Variants in AZIN1 observed in about 807,000 individuals in gnomAD.
AZIN1 encodes the protein ornithine decarboxylase antizyme inhibitor.
In AZIN1, 12 loss-of-function variants were observed where a neutral mutation model predicts 47.4. That is an observed-to-expected ratio of 0.25 (90% CI 0.16 to 0.41). The LOEUF (loss-of-function observed/expected upper bound fraction) is 0.41. Among genes scored for constraint, AZIN1 ranks in the 10% least tolerant of loss-of-function variants. AZIN1 has a pLI of 1.00. For missense variants in AZIN1, 410 were observed against 532.4 expected, an observed-to-expected ratio of 0.77 and a Z score of 2.26; for synonymous variants, 155 against 176.3, an observed-to-expected ratio of 0.88 and a Z score of 0.96.
intron 9 of AZIN1, among the ~76,000 whole-genome samples, chr8:102,830,698 C>T (rs1320409340): frequency 1.3e-5 from 2 of 151,668 alleles, no homozygotes; most frequent in Non-Finnish European, 1.5e-5. Flanking sequence ...TGCTCTACAT[C>T]GTTAGTCATC....
At chr8:102,832,200 A>C (rs1811505577) in intron 9 of AZIN1, among the ~76,000 whole-genome samples, 1 of 152,194 alleles carries the variant, frequency 6.6e-6, no homozygotes, top group Non-Finnish European at 1.5e-5. Flanking sequence ...TCAAGGAGAA[A>C]TGACGAATTC....
intron 3 of AZIN1, among the ~76,000 whole-genome samples, chr8:102,842,579 C>T (rs746550533): frequency 5.3e-5 from 8 of 151,684 alleles, no homozygotes; most frequent in Non-Finnish European, 1.2e-4. Flanking sequence ...TGGTGGCGGG[C>T]GCCTGTAATC....
rs1812199722 is a variant in AZIN1, at chr8:102,841,801, T to TTA, written c.102+1749_102+1750insTA. On this transcript the variant is annotated intron_variant, in intron 3 of 11. Transcript: ENST00000337198. The stretch of plus-strand genomic sequence containing the variant: ...GTATCAGTTAAGTCTAATATATATA[T>TTA]ATATAAAAAAAAAAAAAAAAAAGAC... Among the ~76,000 whole-genome samples, 71 of 115,020 alleles carry TTA rather than the reference T, an allele frequency of 6.2e-4. 3 individuals carry two copies. The South Asian group carries it at 0.016, about 26-fold the overall frequency. The allele number at this position is 115,020 out of a possible 152,430, so 75.5% of individuals were successfully genotyped here.
chr8:102,850,202 G>C (rs1812834235), intron 2 of AZIN1: 1 of 152,162 alleles, frequency 6.6e-6, no homozygotes, highest in Non-Finnish European at 1.5e-5. Flanking sequence ...AGATACCTAA[G>C]CAGGAAACCC....
At chr8:102,856,094 T>G (rs1813271166) in intron 2 of AZIN1, 1 of 102,142 alleles carries the variant, frequency 9.8e-6, no homozygotes, top group South Asian at 2.5e-4. Flanking sequence ...GTTTTTTTTG[T>G]TTTTTTTTTT....
chr8:102,847,181 G>A (rs910353033), intron 2 of AZIN1, among the ~76,000 whole-genome samples: 16 of 151,984 alleles, frequency 1.1e-4, no homozygotes, highest in Non-Finnish European at 2.2e-4. Context: ...AATGGATTAA[G>A]GATCACCTGA....
rs1811710292 is a variant in AZIN1, at chr8:102,834,761, A to G, written c.585-14T>C. Reference sequence around the variant, plus strand: ...GAAACATGAAATCTGAAACACATAGAATACTAAATTTAAAGGAGCAGAAAG... The same window carrying G: ...GAAACATGAAATCTGAAACACATAGGATACTAAATTTAAAGGAGCAGAAAG... On this transcript the variant is annotated splice_polypyrimidine_tract_variant and intron_variant, in intron 6 of 11. Coordinates refer to ENST00000337198, the MANE Select transcript of AZIN1 (RefSeq NM_148174.4). The G allele has an allele frequency of 1.2e-5, 19 of 1,587,764 alleles. No individual in the cohort carries two copies. Among genetic ancestry groups the G allele is most frequent in the Non-Finnish European group, 1.6e-5 (19 of 1,159,800 alleles).
chr8:102,851,848 T>C (rs1406740252), intron 2 of AZIN1, among the ~76,000 whole-genome samples: 2 of 152,238 alleles, frequency 1.3e-5, no homozygotes, highest in African/African-American at 4.8e-5. Flanking sequence ...TGTTGGGCAA[T>C]GTGGTACTTT....
At chr8:102,858,173 G>C (rs1018342083) in intron 1 of AZIN1, 23 bp from the exon 2 acceptor site, 1 of 398,550 alleles carries the variant, frequency 2.5e-6, no homozygotes, top group Admixed American at 4.4e-5. Flanking sequence ...AATAAAAGTA[G>C]CAGAAGATAG....
At chr8:102,850,170 A>G (rs543626194) in intron 2 of AZIN1, 28 of 152,352 alleles carry the variant, frequency 1.8e-4, no homozygotes, top group African/African-American at 6.3e-4. Flanking sequence ...GGAGAGCTGA[A>G]AGGTTGAGAA....
intron 9 of AZIN1, among the ~76,000 whole-genome samples, 165 bp downstream of exon 9, chr8:102,832,891 C>A (rs1462117287): frequency 6.6e-6 from 1 of 152,188 alleles, no homozygotes; most frequent in African/African-American, 2.4e-5. Context: ...CCACCTGGCT[C>A]TGCCTCCCAA....
chr8:102,828,624 G>A lies in AZIN1; in HGVS notation c.1290C>T (p.Phe430=), dbSNP rs1201137416. The change falls in exon 12 of 12, where the codon TTC becomes TTT. Residue 430 remains phenylalanine, a synonymous_variant. Coordinates refer to ENST00000337198, the MANE Select transcript of AZIN1 (RefSeq NM_148174.4). ...ITSDSMMKNF[F]FVPSCIQLSQ... is the part of the protein sequence containing the mutation. ...TCAGCTGAATGCAAGAAGGCACAAA[G>A]AAGAAGTTCTTCATCATTGAGTCTG... The A allele has an allele frequency of 1.2e-6, 2 of 1,611,396 alleles. No individual in the cohort carries two copies. The highest frequency in any genetic ancestry group is 1.1e-5 in the South Asian group (1 of 90,948).
intron 8 of AZIN1, 105 bp from the exon 9 acceptor site, chr8:102,833,323 C>T (rs1811591816): frequency 3.8e-6 from 4 of 1,051,754 alleles, no homozygotes; most frequent in Admixed American, 2.5e-5. Flanking sequence ...GAAGCAGTTC[C>T]AATCACAGAT....
chr8:102,851,393 C>T (rs1812908518), intron 2 of AZIN1, among the ~76,000 whole-genome samples: 1 of 152,132 alleles, frequency 6.6e-6, no homozygotes, highest in Non-Finnish European at 1.5e-5. Context: ...CAACCAAGAC[C>T]AAGTTAAGCA....
chr8:102,830,701 T>TA (rs1214153725), intron 9 of AZIN1, among the ~76,000 whole-genome samples: 4 of 150,906 alleles, frequency 2.7e-5, no homozygotes, highest in Non-Finnish European at 2.9e-5. Context: ...TCTACATCGT[T>TA]AGTCATCAGG....
chr8:102,848,734 T>C (rs1004614352), intron 2 of AZIN1, among the ~76,000 whole-genome samples: 1 of 152,172 alleles, frequency 6.6e-6, no homozygotes, highest in Non-Finnish European at 1.5e-5. Context: ...GATCACTGCT[T>C]GCAGTTTTCT....
At chr8:102,855,596 A>G (rs1380600061) in intron 2 of AZIN1, 2 of 152,226 alleles carry the variant, frequency 1.3e-5, no homozygotes, top group African/African-American at 4.8e-5. Context: ...TCTGAAGCCA[A>G]TTCTGGATCT....
chr8:102,863,531 T>C (rs1356387161), intron 1 of AZIN1, among the ~76,000 whole-genome samples: 1 of 150,930 alleles, frequency 6.6e-6, no homozygotes, highest in Non-Finnish European at 1.5e-5. Context: ...GCTCCCCCAC[T>C]GGCACACGCC....
At chr8:102,861,782 C>T (rs1023331416) in intron 1 of AZIN1, among the ~76,000 whole-genome samples, 2 of 151,920 alleles carry the variant, frequency 1.3e-5, no homozygotes, top group Non-Finnish European at 1.5e-5. Flanking sequence ...GTGGCTCACG[C>T]TTGTAATCCC....
Sources: allele counts gnomAD v4.1 joint callset (sites outside exome capture counted in the v4.1 genomes callset), GRCh38; gene constraint gnomAD v4.1.1; transcripts MANE v1.5; gene names NCBI Gene and HGNC (gene_info 2026-07-23, HGNC 2026-07-21).